Variants in UBE2L6 observed in about 807,000 individuals in gnomAD.
The protein encoded by UBE2L6 is ubiquitin/ISG15-conjugating enzyme E2 L6.
UBE2L6 carries 11 observed loss-of-function variants against 13.6 expected under a neutral mutation model. That is an observed-to-expected ratio of 0.81 (90% CI 0.51 to 1.34). The LOEUF is 1.34. UBE2L6 is among the 40% of genes most tolerant of loss of function. UBE2L6 has a pLI of 0.00. For missense variants in UBE2L6, 197 were observed against 199.5 expected, an observed-to-expected ratio of 0.99 and a Z score of 0.07; for synonymous variants, 74 against 83.2, an observed-to-expected ratio of 0.89 and a Z score of 0.60.
intron 3 of UBE2L6, among the ~76,000 whole-genome samples, chr11:57,552,762 T>C (rs756186255): frequency 5.9e-5 from 9 of 152,214 alleles, no homozygotes; most frequent in Non-Finnish European, 1.2e-4. Context: ...CAGGGGCCAC[T>C]GAGATAAGTG....
chr11:57,552,128 G>A lies in UBE2L6; in HGVS notation c.*230C>T. The A allele has an allele frequency of 1.8e-6, 1 of 557,038 alleles. No individual in the cohort carries two copies. The highest frequency in any genetic ancestry group is 3.1e-6 in the Non-Finnish European group (1 of 319,668). 34.5% of individuals were successfully genotyped at this position (557,038 alleles called of 1,614,324 possible). A position where few individuals can be genotyped will look rare whatever the true frequency, so the allele number is the denominator to read the frequency against. ...TCCCTTGGCTCTGGGGAATGTAAAG[G>A]GTGTGGGAAGGGTGCACCTGTGGCC... On this transcript the variant is annotated 3_prime_UTR_variant, in exon 4 of 4. Coordinates refer to ENST00000287156, the MANE Select transcript of UBE2L6 (RefSeq NM_004223.5).
intron 2 of UBE2L6, among the ~76,000 whole-genome samples, chr11:57,559,185 G>A (rs762313296): frequency 7.9e-5 from 12 of 152,198 alleles, no homozygotes; most frequent in Non-Finnish European, 1.3e-4. Flanking sequence ...TAAGTGGATC[G>A]TTTCAACACA....
Position 57,563,687 on chromosome 11 carries a change from C to G in UBE2L6, c.28-3255G>C, listed in dbSNP as rs368759732. Among the ~76,000 whole-genome samples, 4 of 148,822 alleles carry G rather than the reference C, an allele frequency of 2.7e-5. No homozygotes were observed. In the South Asian group the frequency reaches 6.3e-4, roughly 24 times the overall value. ...CAGGTGGATCACGAGATCAGGAGATCGAGACCATCCTGGCTAACACGGTGA... is the reference window on the plus strand; with the variant it reads ...CAGGTGGATCACGAGATCAGGAGATGGAGACCATCCTGGCTAACACGGTGA... On this transcript the variant is annotated intron_variant, in intron 1 of 3. Coordinates refer to ENST00000287156, the MANE Select transcript of UBE2L6 (RefSeq NM_004223.5).
chr11:57,556,828 G>T (rs1565159187), intron 2 of UBE2L6, among the ~76,000 whole-genome samples: 2 of 151,810 alleles, frequency 1.3e-5, no homozygotes, highest in Admixed American at 6.6e-5. Context: ...GCTCGCGCCT[G>T]TAATCCTAGC....
At chr11:57,554,148 G>A (rs1353429498) in intron 3 of UBE2L6, among the ~76,000 whole-genome samples, 2 of 152,118 alleles carry the variant, frequency 1.3e-5, no homozygotes, top group African/African-American at 2.4e-5. Flanking sequence ...AGTCCACAGA[G>A]GGAACAGCGG....
intron 2 of UBE2L6, among the ~76,000 whole-genome samples, 197 bp downstream of exon 2, chr11:57,560,140 C>G (rs1009939843): frequency 2.0e-5 from 3 of 152,176 alleles, no homozygotes; most frequent in Non-Finnish European, 4.4e-5. Flanking sequence ...CCTTTGGCAT[C>G]TTTATCAGAA....
At position 57,567,621 on chromosome 11, in the gene UBE2L6, G is replaced by A. The variant is rs1379243754; in HGVS notation, c.-10C>T. On this transcript the variant is annotated 5_prime_UTR_variant, in exon 1 of 4. Transcript: ENST00000287156. Reference sequence around the variant, plus strand: ...GCATGCTCGCCATCATGTCGGGACCGAGTGTGTGGCACCCGTGGCCTCCAG... The same window carrying A: ...GCATGCTCGCCATCATGTCGGGACCAAGTGTGTGGCACCCGTGGCCTCCAG... The A allele has an allele frequency of 1.1e-5, 17 of 1,606,964 alleles. No homozygotes were observed. The highest frequency in any genetic ancestry group is 1.3e-5 in the Non-Finnish European group (15 of 1,177,658).
At chr11:57,560,506 C>T in intron 1 of UBE2L6, 74 bp from the exon 2 acceptor site, 1 of 1,137,056 alleles carries the variant, frequency 8.8e-7, no homozygotes, top group Non-Finnish European at 1.3e-6. Context: ...GCCCCAGCAG[C>T]AAGCTGCCCC....
At chr11:57,563,571 G>C (rs1216750590) in intron 1 of UBE2L6, among the ~76,000 whole-genome samples, 1 of 150,698 alleles carries the variant, frequency 6.6e-6, no homozygotes, top group African/African-American at 2.4e-5. Context: ...TCAAGCAGAA[G>C]AACTAGAGTG....
upstream of UBE2L6, chr11:57,567,693 G>T: frequency 7.9e-7 from 1 of 1,262,172 alleles, no homozygotes; most frequent in Non-Finnish European, 1.0e-6. Flanking sequence ...GCCCCGCCCC[G>T]GGGACCCCAC....
At chr11:57,560,055 G>A (rs138411544) in intron 2 of UBE2L6, among the ~76,000 whole-genome samples, 1 of 152,284 alleles carries the variant, frequency 6.6e-6, no homozygotes, top group African/African-American at 2.4e-5. Flanking sequence ...TTTTGATGCT[G>A]TTTGTCTCCT....
At chr11:57,560,631 T>C (rs1945035391) in intron 1 of UBE2L6, 199 bp from the exon 2 acceptor site, 3 of 501,108 alleles carry the variant, frequency 6.0e-6, no homozygotes, top group South Asian at 2.4e-5. Context: ...TTCTTTTTTT[T>C]TTTTTTTGAG....
At chr11:57,563,316 C>G (rs914966238) in intron 1 of UBE2L6, among the ~76,000 whole-genome samples, 3 of 151,034 alleles carry the variant, frequency 2.0e-5, no homozygotes, top group African/African-American at 4.9e-5. Context: ...GTGGTGAGGC[C>G]CTGTTTCTAC....
chr11:57,566,210 A>T (rs1297672321), intron 1 of UBE2L6, among the ~76,000 whole-genome samples: 1 of 152,216 alleles, frequency 6.6e-6, no homozygotes, highest in African/African-American at 2.4e-5. Flanking sequence ...TCTGTTTAGG[A>T]TGAGTTCTGC....
Position 57,553,386 on chromosome 11 carries a change from C to T in UBE2L6, c.311-877G>A, listed in dbSNP as rs188689329. 1.4e-3 allele frequency among the ~76,000 whole-genome samples: 216 copies of T among 152,162 alleles called. 1 individual carries two copies. The highest frequency in any genetic ancestry group is 5.0e-3 in the African/African-American group (208 of 41,504). On this transcript the variant is annotated intron_variant, in intron 3 of 3. Transcript: ENST00000287156. Reference sequence around the variant, plus strand: ...GCATGCTCCTGTAGTCCCAGTTACTCGGGAGGCTGAGGTGGGAGGATGGCT... The same window carrying T: ...GCATGCTCCTGTAGTCCCAGTTACTTGGGAGGCTGAGGTGGGAGGATGGCT...
intron 2 of UBE2L6, among the ~76,000 whole-genome samples, chr11:57,559,932 A>G (rs974650800): frequency 1.3e-5 from 2 of 152,244 alleles, no homozygotes; most frequent in Non-Finnish European, 2.9e-5. Context: ...ATAAGACTAC[A>G]GAAAAACAAA....
chr11:57,560,288 T>C (rs772508595), intron 2 of UBE2L6, 49 bp downstream of exon 2: 1 of 1,493,742 alleles, frequency 6.7e-7, no homozygotes, highest in South Asian at 1.1e-5. Context: ...CCCATGTCCC[T>C]GGCCTAATTT....
Position 57,560,850 on chromosome 11 carries a change from G to A in UBE2L6, c.28-418C>T, listed in dbSNP as rs531725701. 2.0e-5 allele frequency among the ~76,000 whole-genome samples: 3 copies of A among 152,040 alleles called. No individual in the cohort carries two copies. The South Asian group carries it at 6.2e-4, about 32-fold the overall frequency. On this transcript the variant is annotated intron_variant, in intron 1 of 3. Coordinates refer to ENST00000287156, the MANE Select transcript of UBE2L6 (RefSeq NM_004223.5). ...TTATCCAGGATGGTCTTGATCTCCT[G>A]ACCTCGTGATCCGCCCGCCTCAGCC...
At chr11:57,556,152 C>G (rs1488186093) in intron 2 of UBE2L6, among the ~76,000 whole-genome samples, 3 of 152,058 alleles carry the variant, frequency 2.0e-5, no homozygotes, top group Non-Finnish European at 4.4e-5. Flanking sequence ...CCGGAGCCAC[C>G]CTGCCTGGGT....
Sources: allele counts gnomAD v4.1 joint callset (sites outside exome capture counted in the v4.1 genomes callset), GRCh38; gene constraint gnomAD v4.1.1; transcripts MANE v1.5; gene names NCBI Gene and HGNC (gene_info 2026-07-23, HGNC 2026-07-21).